ADARB2: variants seen among roughly 807,000 people sequenced by gnomAD.
ADARB2 encodes adenosine deaminase RNA specific B2 (inactive).
ADARB2 carries 25 observed loss-of-function variants against 62.2 expected under a neutral mutation model. That is an observed-to-expected ratio of 0.40 (90% CI 0.29 to 0.56). The LOEUF is 0.56. Among genes scored for constraint, ADARB2 ranks in the 20% least tolerant of loss-of-function variants. ADARB2 has a pLI of 0.43. For synonymous variants in ADARB2, 572 were observed against 500.8 expected (o/e 1.14, Z -1.90); for missense variants, 1,071 against 1,077.4 (o/e 0.99, Z 0.08).
intron 1 of ADARB2, among the ~76,000 whole-genome samples, chr10:1,656,001 T>A (rs1165532083): frequency 6.6e-6 from 1 of 152,272 alleles, no homozygotes; most frequent in Non-Finnish European, 1.5e-5. Context: ...ATCTCGTTTA[T>A]CTAGCTTCAT....
At chr10:1,518,688 A>T (rs1208321672) in intron 1 of ADARB2, among the ~76,000 whole-genome samples, 1 of 151,766 alleles carries the variant, frequency 6.6e-6, no homozygotes, top group Non-Finnish European at 1.5e-5. Flanking sequence ...AAGTCTGTAC[A>T]CAAAGTGGTC....
chr10:1,411,949 C>A (rs558733544), intron 1 of ADARB2, among the ~76,000 whole-genome samples: 45 of 152,308 alleles, frequency 3.0e-4, no homozygotes, highest in African/African-American at 1.1e-3. Context: ...TTAAAACAGC[C>A]TTTACTCAGA....
At chr10:1,439,376 C>A (rs1318302420) in intron 1 of ADARB2, among the ~76,000 whole-genome samples, 2 of 148,332 alleles carry the variant, frequency 1.3e-5, no homozygotes, top group African/African-American at 5.0e-5. Context: ...CAGGTGGAGG[C>A]AGGCCCTTCA....
chr10:1,229,374 A>G (rs4880491), intron 6 of ADARB2, among the ~76,000 whole-genome samples: 45,725 of 151,938 alleles, frequency 0.3, 7,982 homozygotes, highest in African/African-American at 0.47. Context: ...GAGCTGTTGG[A>G]GCAGGTTGCT....
chr10:1,347,609 GCCTCAGCCCTCA>G (rs1177090001), intron 3 of ADARB2, among the ~76,000 whole-genome samples: 1 of 152,160 alleles, frequency 6.6e-6, no homozygotes, highest in Non-Finnish European at 1.5e-5. Context: ...GAGCCAGGAG[GCCTCAGCCCTCA>G]CCTCAGCTCT....
intron 1 of ADARB2, among the ~76,000 whole-genome samples, chr10:1,403,475 G>A (rs1422864735): frequency 6.6e-6 from 1 of 152,196 alleles, no homozygotes; most frequent in Admixed American, 6.5e-5. Context: ...AAGGGCTTTT[G>A]CTACTTTTGT....
Position 1,648,383 on chromosome 10 carries a change from C to G in ADARB2, c.100+88668G>C, listed in dbSNP as rs183933770. 4.4e-3 allele frequency among the ~76,000 whole-genome samples: 664 copies of G among 152,276 alleles called. 16 individuals are homozygous for G. The highest frequency in any genetic ancestry group is 4.4e-3 in the East Asian group (23 of 5,172). ...CGTGGGCTTGATTTCCAGCCTCCTCCTCAAGCATCCCCAGGACCCTTCATA... is the reference window on the plus strand; with the variant it reads ...CGTGGGCTTGATTTCCAGCCTCCTCGTCAAGCATCCCCAGGACCCTTCATA... On this transcript the variant is annotated intron_variant, in intron 1 of 9. Coordinates refer to ENST00000381312, the MANE Select transcript of ADARB2 (RefSeq NM_018702.4).
intron 7 of ADARB2, among the ~76,000 whole-genome samples, chr10:1,207,302 C>T (rs542109015): frequency 4.6e-5 from 7 of 152,190 alleles, no homozygotes; most frequent in South Asian, 4.1e-4. Flanking sequence ...GCCGGGATCA[C>T]GCCATGCACT....
At chr10:1,548,271 A>G (rs1832557244) in intron 1 of ADARB2, among the ~76,000 whole-genome samples, 6 of 152,196 alleles carry the variant, frequency 3.9e-5, no homozygotes, top group Admixed American at 3.9e-4. Context: ...GGATGTCTGG[A>G]GGCAAATGCC....
At chr10:1,422,985 T>G (rs1832864094) in intron 1 of ADARB2, among the ~76,000 whole-genome samples, 1 of 152,192 alleles carries the variant, frequency 6.6e-6, no homozygotes, top group Admixed American at 6.5e-5. Flanking sequence ...CCGAGAGCCC[T>G]GCAGCTAGAT....
intron 6 of ADARB2, among the ~76,000 whole-genome samples, chr10:1,230,526 C>T (rs965084935): frequency 5.3e-5 from 8 of 152,200 alleles, no homozygotes; most frequent in East Asian, 1.9e-4. Context: ...GAGTTAGCAA[C>T]GTGGAGACCC....
chr10:1,558,590 G>A (rs370755974), intron 1 of ADARB2, among the ~76,000 whole-genome samples: 19 of 84,260 alleles, frequency 2.3e-4, no homozygotes, highest in South Asian at 1.9e-3. Context: ...GTCCCCTTCT[G>A]TGGGTGCTCA....
intron 1 of ADARB2, among the ~76,000 whole-genome samples, chr10:1,383,174 C>G (rs1832498900): frequency 6.6e-6 from 1 of 152,184 alleles, no homozygotes; most frequent in Admixed American, 6.5e-5. Flanking sequence ...GCAGCCCTTG[C>G]CTGGAACCAC....
chr10:1,600,835 C>A (rs1833402870), intron 1 of ADARB2, among the ~76,000 whole-genome samples: 1 of 152,062 alleles, frequency 6.6e-6, no homozygotes, highest in African/African-American at 2.4e-5. Flanking sequence ...TTCTCTGAGG[C>A]CCCTGTTCCA....
At chr10:1,718,075 G>A (rs934192336) in intron 1 of ADARB2, among the ~76,000 whole-genome samples, 2 of 152,140 alleles carry the variant, frequency 1.3e-5, no homozygotes, top group African/African-American at 2.4e-5. Context: ...AGGGAGGGAA[G>A]GAGGGAGGGA....
chr10:1,418,386 A>C (rs1832823435), intron 1 of ADARB2, among the ~76,000 whole-genome samples: 1 of 152,108 alleles, frequency 6.6e-6, no homozygotes, highest in Admixed American at 6.5e-5. Flanking sequence ...TCCTTTCTCC[A>C]GGGCTGCTCT....
At chr10:1,725,972 G>A (rs753705831) in intron 1 of ADARB2, among the ~76,000 whole-genome samples, 6 of 152,238 alleles carry the variant, frequency 3.9e-5, no homozygotes, top group Non-Finnish European at 8.8e-5. Flanking sequence ...CAGTGATTAC[G>A]CATAAATATG....
At chr10:1,506,138 T>TG (rs199910097) in intron 1 of ADARB2, among the ~76,000 whole-genome samples, 5 of 106,704 alleles carry the variant, frequency 4.7e-5, no homozygotes, top group African/African-American at 1.5e-4. Context: ...TTTTACTGTC[T>TG]GTCATGACGG....
chr10:1,298,261 T>C (rs1209240407), intron 3 of ADARB2, among the ~76,000 whole-genome samples: 1 of 152,188 alleles, frequency 6.6e-6, no homozygotes, highest in African/African-American at 2.4e-5. Flanking sequence ...AAAATGAAGT[T>C]TCTCACAATG....
Sources: gnomAD v4.1 joint callset for allele counts (sites outside exome capture counted in the v4.1 genomes callset) on GRCh38, gnomAD v4.1.1 for gene constraint, MANE v1.5 for transcripts, NCBI Gene and HGNC (gene_info 2026-07-23, HGNC 2026-07-21) for gene names.